The following IFT46 variants were observed in gnomAD, a reference collection of about 807,000 sequenced individuals.
IFT46 encodes intraflagellar transport 46.
A neutral mutation model predicts 39.6 loss-of-function variants in IFT46; 19 were observed. That is an observed-to-expected ratio of 0.48 (90% CI 0.33 to 0.70). The LOEUF is 0.70. Ranked by LOEUF, IFT46 falls within the 30% of genes least tolerant of loss-of-function variation. The pLI is 0.01. For missense variants in IFT46, 334 were observed against 364.8 expected (o/e 0.92, Z 0.69); for synonymous variants, 117 against 134.8 (o/e 0.87, Z 0.91).
At chr11:118,548,154 A>T (rs1438884028) in intron 9 of IFT46, among the ~76,000 whole-genome samples, 1 of 149,164 alleles carries the variant, frequency 6.7e-6, no homozygotes, top group Admixed American at 6.7e-5. Flanking sequence ...AAGTGCTGGG[A>T]TTACAGGTGT....
chr11:118,555,111 A>T, intron 5 of IFT46, 28 bp from the exon 6 acceptor site: 1 of 1,576,700 alleles, frequency 6.3e-7, no homozygotes. Context: ...GGGAAGGTGG[A>T]GACAGTCAGA....
intron 8 of IFT46, among the ~76,000 whole-genome samples, 178 bp from the exon 9 acceptor site, chr11:118,552,030 C>G (rs576606710): frequency 1.3e-5 from 2 of 152,136 alleles, no homozygotes; most frequent in African/African-American, 2.4e-5. Context: ...GAGGAGGTAG[C>G]TAAGTAATAC....
At chr11:118,559,678 C>A in intron 3 of IFT46, 107 bp downstream of exon 3, 1 of 859,848 alleles carries the variant, frequency 1.2e-6, no homozygotes, top group Non-Finnish European at 2.0e-6. Context: ...GGTCCCTAAC[C>A]CCTGGAGGTG....
At chr11:118,567,090 A>G, upstream of IFT46, among the ~76,000 whole-genome samples, 1 of 151,994 alleles carries the variant, frequency 6.6e-6, no homozygotes, top group East Asian at 1.9e-4. Flanking sequence ...AAAATAAAAA[A>G]AAAATTTTTT....
chr11:118,570,367 A>T (rs901391982), upstream of IFT46, among the ~76,000 whole-genome samples: 1 of 151,966 alleles, frequency 6.6e-6, no homozygotes, highest in Non-Finnish European at 1.5e-5. Flanking sequence ...GCCAGGAGAA[A>T]ACTGACTTTG....
chr11:118,574,548 T>TA (rs879970834), upstream of IFT46, among the ~76,000 whole-genome samples: 336 of 150,604 alleles, frequency 2.2e-3, 3 homozygotes, highest in East Asian at 0.011. Flanking sequence ...CTCTCTCCAT[T>TA]AAAAAAAAAT....
chr11:118,572,606 TGTC>T, exon 1 of IFT46: 2 of 1,585,202 alleles, frequency 1.3e-6, no homozygotes, highest in Non-Finnish European at 1.7e-6. Flanking sequence ...CGTCTCTCCT[TGTC>T]GGCGGGCCTG....
chr11:118,567,562 C>T (rs557090122), upstream of IFT46, among the ~76,000 whole-genome samples: 3 of 152,100 alleles, frequency 2.0e-5, no homozygotes, highest in South Asian at 6.2e-4. Context: ...GGCGACAGGG[C>T]GAGACTCCGT....
intron 2 of IFT46, chr11:118,560,756 C>T (rs546887923): frequency 2.6e-5 from 18 of 690,424 alleles, no homozygotes; most frequent in African/African-American, 8.8e-5. Flanking sequence ...ATTTAGAAGA[C>T]GACGAGAGGG....
chr11:118,555,046 TC>T lies in IFT46; in HGVS notation c.297del (p.Lys100SerfsTer18). The T allele has an allele frequency of 6.2e-7, 1 of 1,614,016 alleles. No homozygotes were observed. Among genetic ancestry groups the T allele is most frequent in the East Asian group, 2.2e-5 (1 of 44,884 alleles). On this transcript the variant is annotated frameshift_variant, in exon 6 of 12. Transcript: ENST00000264021. LOFTEE classifies it high-confidence loss of function. ...GGGATAAAATCAGGAATGAAAGGCTTCAGTTTGTGGTCCAGGTCAATCAACT... is the reference window on the plus strand; with the variant it reads ...GGGATAAAATCAGGAATGAAAGGCTTAGTTTGTGGTCCAGGTCAATCAACT... ...TPQLIDLDHK[L>X]KPFIPDFIPA...
chr11:118,544,731 GAGGC>G lies in IFT46; in HGVS notation c.*181_*184del. The G allele has an allele frequency of 1.7e-6, 1 of 583,516 alleles. No individual in the cohort carries two copies. The highest frequency in any genetic ancestry group is 2.9e-5 in the East Asian group (1 of 34,848). The allele number at this position is 583,516 out of a possible 1,614,324, so 36.1% of individuals were successfully genotyped here. A position where few individuals can be genotyped will look rare whatever the true frequency, so the allele number is the denominator to read the frequency against. On this transcript the variant is annotated 3_prime_UTR_variant, in exon 12 of 12. Transcript: ENST00000264021. Reference sequence around the variant, plus strand: ...ATTAACTCCCCGGGGACAGCAATCTGAGGCAGGCAGGTTCATTAAACAAACATGT... The same window carrying G: ...ATTAACTCCCCGGGGACAGCAATCTGAGGCAGGTTCATTAAACAAACATGT...
chr11:118,552,153 C>T (rs2277293), intron 8 of IFT46, 61 bp downstream of exon 8: 244,820 of 1,591,144 alleles, frequency 0.15, 23,597 homozygotes, highest in East Asian at 0.46. Context: ...TCAGGAGCAA[C>T]AGTTCACAGG....
Position 118,559,816 on chromosome 11 carries a change from C to A in IFT46, c.14G>T (p.Ser5Ile). 6.2e-7 allele frequency: 1 copy of A among 1,613,496 alleles called. No homozygotes were observed. The highest frequency in any genetic ancestry group is 8.5e-7 in the Non-Finnish European group (1 of 1,179,418). The change falls in exon 3 of 12, where the codon AGC (serine) becomes ATC (isoleucine). Residue 5 changes from serine to isoleucine, a missense_variant. Transcript: ENST00000264021. ...ATTTTCCTCTTCACACTCATCACTG[C>A]TGTTATCAGCCATAGCCTTGTTAGG... is the stretch of plus-strand genomic sequence containing the variant. The part of the protein sequence containing the change: MADN[S>I]SDECEEENNK...
chr11:118,551,932 G>T, intron 8 of IFT46, 80 bp from the exon 9 acceptor site: 2 of 1,364,164 alleles, frequency 1.5e-6, no homozygotes, highest in Admixed American at 1.7e-5. Flanking sequence ...ATTCTAGGAT[G>T]AAGGAGAGGT....
At chr11:118,556,769 C>T (rs1937850087) in intron 4 of IFT46, 137 bp downstream of exon 4, 1 of 1,074,558 alleles carries the variant, frequency 9.3e-7, no homozygotes, top group African/African-American at 1.6e-5. Flanking sequence ...TGTTGGGTTT[C>T]TGAGACATCT....
intron 2 of IFT46, among the ~76,000 whole-genome samples, chr11:118,563,651 A>G (rs1375073240): frequency 6.6e-6 from 1 of 152,124 alleles, no homozygotes; most frequent in Non-Finnish European, 1.5e-5. Flanking sequence ...CGACAGCAAC[A>G]CAGCCTCCAA....
intron 1 of IFT46, chr11:118,572,261 C>T (rs1938353649): frequency 2.2e-6 from 1 of 444,970 alleles, no homozygotes; most frequent in Non-Finnish European, 4.0e-6. Context: ...CGAGGTTCCA[C>T]AGCTGGAGGG....
chr11:118,574,388 G>A (rs1005364596), upstream of IFT46, among the ~76,000 whole-genome samples: 3 of 151,918 alleles, frequency 2.0e-5, no homozygotes, highest in Non-Finnish European at 4.4e-5. Context: ...AATTTCCAGC[G>A]TTTATTTTAG....
chr11:118,573,591 T>C, upstream of IFT46: 1 of 686,026 alleles, frequency 1.5e-6, no homozygotes, highest in Non-Finnish European at 2.7e-6. Flanking sequence ...GATGTTCTGT[T>C]CTGTTCTTTT....
Sources: gnomAD v4.1 joint callset for allele counts (sites outside exome capture counted in the v4.1 genomes callset) on GRCh38, gnomAD v4.1.1 for gene constraint, MANE v1.5 for transcripts, NCBI Gene and HGNC (gene_info 2026-07-23, HGNC 2026-07-21) for gene names.